The following PDE1C variants were observed in gnomAD, a reference collection of about 807,000 sequenced individuals.
PDE1C encodes phosphodiesterase 1C, also known as dual specificity calcium/calmodulin-dependent 3',5'-cyclic nucleotide phosphodiesterase 1C.
Under a neutral mutation model 93.1 loss-of-function variants are expected in PDE1C, and 62 were observed. The observed-to-expected ratio is 0.67, with a 90% CI of 0.54 to 0.82. The LOEUF (loss-of-function observed/expected upper bound fraction) is 0.82. Among genes scored for constraint, PDE1C ranks in the 40% least tolerant of loss-of-function variants. The pLI is 0.00. For missense variants in PDE1C, 742 were observed against 884.6 expected (o/e 0.84, Z 2.04); for synonymous variants, 325 against 310.1 (o/e 1.05, Z -0.50).
At chr7:31,951,336 T>C (rs948552876) in intron 2 of PDE1C, among the ~76,000 whole-genome samples, 2 of 152,216 alleles carry the variant, frequency 1.3e-5, no homozygotes, top group Admixed American at 1.3e-4. Context: ...CCAGAAATTA[T>C]CTACAAATAG....
chr7:31,727,959 G>A, the PDE1C span, among the ~76,000 whole-genome samples: 6 of 152,124 alleles, frequency 3.9e-5, no homozygotes, highest in African/African-American at 1.2e-4. Flanking sequence ...CAGGAGAATC[G>A]CTTGAACCTG....
At chr7:32,025,360 G>A (rs923910809) in intron 2 of PDE1C, among the ~76,000 whole-genome samples, 11 of 151,988 alleles carry the variant, frequency 7.2e-5, no homozygotes, top group Non-Finnish European at 5.9e-5. Context: ...GTGTAGAGAC[G>A]AGCTGGAGTG....
chr7:31,791,362 C>T (rs938810898), intron 16 of PDE1C, among the ~76,000 whole-genome samples: 6 of 152,102 alleles, frequency 3.9e-5, no homozygotes, highest in African/African-American at 4.8e-5. Flanking sequence ...TCATACCAAT[C>T]ACTTTACTCC....
chr7:31,789,939 A>C (rs1300219938), intron 16 of PDE1C: 1 of 1,172,596 alleles, frequency 8.5e-7, no homozygotes, highest in Non-Finnish European at 1.1e-6. Flanking sequence ...GTCATTAGCA[A>C]AGGATTTTGA....
intron 1 of PDE1C, among the ~76,000 whole-genome samples, chr7:32,316,482 A>G (rs7788899): frequency 0.043 from 6,572 of 152,298 alleles, 198 homozygotes; most frequent in African/African-American, 0.082. Context: ...TCGGTACTTT[A>G]TTAGAAAATA....
chr7:31,956,180 G>A (rs1049959863), intron 2 of PDE1C, among the ~76,000 whole-genome samples: 12 of 151,720 alleles, frequency 7.9e-5, no homozygotes, highest in East Asian at 3.9e-4. Flanking sequence ...TGCAACTTCC[G>A]CCTCCCAGGT....
At chr7:32,305,335 C>T (rs1436118043) in intron 1 of PDE1C, among the ~76,000 whole-genome samples, 1 of 152,198 alleles carries the variant, frequency 6.6e-6, no homozygotes, top group Non-Finnish European at 1.5e-5. Context: ...TTTCCTGCTA[C>T]CTCTGCAGCC....
intron 2 of PDE1C, among the ~76,000 whole-genome samples, chr7:32,010,385 A>T (rs375986331): frequency 6.6e-6 from 1 of 152,234 alleles, no homozygotes; most frequent in African/African-American, 2.4e-5. Context: ...TAGCAATTCA[A>T]TGGAGAAAGA....
chr7:32,079,708 C>T (rs552949103), intron 3 of PDE1C, among the ~76,000 whole-genome samples: 1 of 152,354 alleles, frequency 6.6e-6, no homozygotes, highest in African/African-American at 2.4e-5. Context: ...AATTAGGCTC[C>T]TGTACATGGC....
Position 32,278,949 on chromosome 7 carries a change from T to C in PDE1C, c.85+19702A>G, listed in dbSNP as rs543983471. Among the ~76,000 whole-genome samples the C allele has an allele frequency of 2.6e-5, 4 of 152,264 alleles. No individual in the cohort carries two copies. The South Asian group carries it at 6.2e-4, about 24-fold the overall frequency. ...AGGATTCTTTGGGGAGTGAGAGAAA[T>C]GTTCTAAAATTAGATAGTGGTGGGA... On this transcript the variant is annotated intron_variant, in intron 1 of 18. Transcript: ENST00000396193.
chr7:32,065,293 C>T (rs373258810), intron 1 of PDE1C, among the ~76,000 whole-genome samples: 1 of 152,180 alleles, frequency 6.6e-6, no homozygotes, highest in Non-Finnish European at 1.5e-5. Context: ...TTTTGGGCTG[C>T]CCGGAAGACT....
the PDE1C span, among the ~76,000 whole-genome samples, chr7:31,741,874 T>C: frequency 6.6e-6 from 1 of 152,208 alleles, no homozygotes; most frequent in Non-Finnish European, 1.5e-5. Flanking sequence ...TGTGCCCCAA[T>C]TCTCTTCCTG....
chr7:32,220,661 TA>T (rs891296830), intron 1 of PDE1C, among the ~76,000 whole-genome samples: 1 of 151,372 alleles, frequency 6.6e-6, no homozygotes, highest in Non-Finnish European at 1.5e-5. Context: ...TAAAAAAATA[TA>T]AAAAAAATAG....
At chr7:31,800,284 A>G (rs1156232976) in intron 16 of PDE1C, among the ~76,000 whole-genome samples, 1 of 151,516 alleles carries the variant, frequency 6.6e-6, no homozygotes, top group African/African-American at 2.4e-5. Context: ...TATGGTTTGT[A>G]CTTTTGTGGT....
the PDE1C span, among the ~76,000 whole-genome samples, chr7:31,641,615 T>C: frequency 6.6e-6 from 1 of 152,202 alleles, no homozygotes; most frequent in African/African-American, 2.4e-5. Flanking sequence ...GTTTACAAAG[T>C]CATAACCTGC....
chr7:31,705,184 C>T, the PDE1C span, among the ~76,000 whole-genome samples: 1 of 152,114 alleles, frequency 6.6e-6, no homozygotes, highest in African/African-American at 2.4e-5. Context: ...TTTTCTTATT[C>T]CTGAAATCCC....
intron 11 of PDE1C, among the ~76,000 whole-genome samples, chr7:31,831,648 C>T (rs1048706013): frequency 3.9e-5 from 6 of 151,920 alleles, no homozygotes; most frequent in African/African-American, 9.7e-5. Context: ...GAACACATTT[C>T]ACTCAAAGAT....
At chr7:31,946,267 G>A (rs1315065216) in intron 2 of PDE1C, among the ~76,000 whole-genome samples, 1 of 152,164 alleles carries the variant, frequency 6.6e-6, no homozygotes, top group Admixed American at 6.5e-5. Flanking sequence ...ATGTAAAAGA[G>A]TCTTGGAACA....
At chr7:32,013,092 G>A (rs963283574) in intron 2 of PDE1C, among the ~76,000 whole-genome samples, 3 of 152,152 alleles carry the variant, frequency 2.0e-5, no homozygotes, top group Non-Finnish European at 2.9e-5. Flanking sequence ...CTGAAAAGCT[G>A]AGTCTTCCCC....
Sources: gnomAD v4.1 joint callset for allele counts (sites outside exome capture counted in the v4.1 genomes callset) on GRCh38, gnomAD v4.1.1 for gene constraint, MANE v1.5 for transcripts, NCBI Gene and HGNC (gene_info 2026-07-23, HGNC 2026-07-21) for gene names.